The following TTLL5 variants were observed in gnomAD, a reference collection of about 807,000 sequenced individuals.
The protein encoded by TTLL5 is tubulin tyrosine ligase like 5.
TTLL5 carries 132 observed loss-of-function variants against 168.4 expected under a neutral mutation model. The observed-to-expected ratio is 0.78, with a 90% CI of 0.68 to 0.91. The LOEUF (loss-of-function observed/expected upper bound fraction) is 0.91, where lower values mean the gene tolerates loss of function less well. Ranked by LOEUF, TTLL5 falls within the 40% of genes least tolerant of loss-of-function variation. The pLI is 0.00. For synonymous variants in TTLL5, 546 were observed against 558.6 expected, an observed-to-expected ratio of 0.98 and a Z score of 0.32; for missense variants, 1,545 against 1,581.5, an observed-to-expected ratio of 0.98 and a Z score of 0.39.
At chr14:75,665,132 A>G (rs775876577) in intron 2 of TTLL5, among the ~76,000 whole-genome samples, 4 of 152,254 alleles carry the variant, frequency 2.6e-5, no homozygotes, top group Non-Finnish European at 5.9e-5. Context: ...AAGGCTTAAA[A>G]TAAAATACAT....
intron 31 of TTLL5, among the ~76,000 whole-genome samples, chr14:75,923,422 T>C (rs995008269): frequency 6.6e-6 from 1 of 152,210 alleles, no homozygotes; most frequent in African/African-American, 2.4e-5. Context: ...TTTGTTCTCG[T>C]TGGTTTCAAA....
intron 9 of TTLL5, among the ~76,000 whole-genome samples, chr14:75,712,997 C>A (rs1489942894): frequency 6.6e-6 from 1 of 152,108 alleles, no homozygotes; most frequent in Non-Finnish European, 1.5e-5. Flanking sequence ...AGTAGGAACT[C>A]TCCCACCTTT....
At chr14:75,933,247 A>G (rs577549284) in intron 31 of TTLL5, among the ~76,000 whole-genome samples, 118 of 152,306 alleles carry the variant, frequency 7.7e-4, no homozygotes, top group Non-Finnish European at 1.3e-3. Flanking sequence ...ATTTGAGCCC[A>G]GGAGTTCCAG....
chr14:75,756,094 T>C (rs1217988078), intron 18 of TTLL5, among the ~76,000 whole-genome samples: 2 of 150,754 alleles, frequency 1.3e-5, no homozygotes, highest in Non-Finnish European at 2.9e-5. Context: ...ATTATCTGGG[T>C]GAAAAACTTA....
intron 17 of TTLL5, among the ~76,000 whole-genome samples, chr14:75,748,491 G>C (rs977359972): frequency 6.6e-6 from 1 of 152,026 alleles, no homozygotes; most frequent in Non-Finnish European, 1.5e-5. Context: ...GACAGCTGTG[G>C]TGCAGATATT....
intron 27 of TTLL5, among the ~76,000 whole-genome samples, chr14:75,812,222 A>T (rs1894087576): frequency 6.6e-6 from 1 of 152,184 alleles, no homozygotes; most frequent in Non-Finnish European, 1.5e-5. Context: ...GCAGAGGAAG[A>T]GGAAAAGCAG....
In TTLL5 at chr14:75,719,901, T is replaced by G. The variant is rs1221613361; in HGVS notation, c.934+75T>G. ...TATCATTGTCTCTTGCCAGGAATCA[T>G]TCTCTGTTGCTTTGATAGTGTTGCT... On this transcript the variant is annotated intron_variant, in intron 11 of 31. Coordinates refer to ENST00000298832, the MANE Select transcript of TTLL5 (RefSeq NM_015072.5). The G allele has an allele frequency of 4.8e-6, 7 of 1,462,440 alleles. No homozygotes were observed. The African/African-American group carries it at 7.0e-5, about 15-fold the overall frequency. 90.6% of individuals were successfully genotyped at this position (1,462,440 alleles called of 1,614,324 possible).
At chr14:75,742,820 C>G (rs1235625415) in intron 15 of TTLL5, among the ~76,000 whole-genome samples, 1 of 152,120 alleles carries the variant, frequency 6.6e-6, no homozygotes, top group Non-Finnish European at 1.5e-5. Context: ...ATATTTTTGA[C>G]TTTTTCCAAA....
At chr14:75,799,531 GAT>G (rs1893171313) in intron 27 of TTLL5, among the ~76,000 whole-genome samples, 1 of 152,052 alleles carries the variant, frequency 6.6e-6, no homozygotes, top group Admixed American at 6.5e-5. Flanking sequence ...AATACCTGGT[GAT>G]TTTTGCATTG....
intron 3 of TTLL5, among the ~76,000 whole-genome samples, chr14:75,676,222 T>A (rs1456064703): frequency 6.6e-6 from 1 of 152,208 alleles, no homozygotes; most frequent in Non-Finnish European, 1.5e-5. Context: ...CACAGACACC[T>A]ATAAATGACA....
At chr14:75,754,578 A>G (rs1427441961) in intron 18 of TTLL5, among the ~76,000 whole-genome samples, 1 of 152,220 alleles carries the variant, frequency 6.6e-6, no homozygotes, top group Non-Finnish European at 1.5e-5. Flanking sequence ...GCATTAGCCA[A>G]AATGAGGAAG....
chr14:75,869,314 T>G (rs1375271321), intron 29 of TTLL5, among the ~76,000 whole-genome samples: 1 of 152,130 alleles, frequency 6.6e-6, no homozygotes, highest in Admixed American at 6.5e-5. Flanking sequence ...AATACTGCAT[T>G]CGGTTGTTTT....
chr14:75,699,712 C>T (rs1233358494), intron 7 of TTLL5, among the ~76,000 whole-genome samples: 4 of 152,144 alleles, frequency 2.6e-5, no homozygotes, highest in Non-Finnish European at 5.9e-5. Context: ...CTTCTCCTTT[C>T]TCCTCCTTCC....
intron 27 of TTLL5, chr14:75,818,500 T>C: frequency 2.5e-6 from 1 of 402,888 alleles, no homozygotes; most frequent in South Asian, 1.8e-5. Context: ...TTCTTTTTTT[T>C]TTTTTGAGAT....
intron 29 of TTLL5, among the ~76,000 whole-genome samples, chr14:75,877,655 T>C (rs1275542418): frequency 6.6e-6 from 1 of 152,242 alleles, no homozygotes; most frequent in Non-Finnish European, 1.5e-5. Context: ...ATGGTGCAGC[T>C]CCTATGCCTG....
intron 30 of TTLL5, among the ~76,000 whole-genome samples, chr14:75,890,968 C>T (rs1282388136): frequency 6.6e-6 from 1 of 152,208 alleles, no homozygotes; most frequent in Non-Finnish European, 1.5e-5. Context: ...ACCTGCCCAC[C>T]TCAGCCTCCC....
chr14:75,806,587 A>G (rs755349963), intron 27 of TTLL5, among the ~76,000 whole-genome samples: 5 of 152,162 alleles, frequency 3.3e-5, no homozygotes, highest in Non-Finnish European at 7.4e-5. Flanking sequence ...CCCAGTTGCC[A>G]TGTCTAATCT....
At chr14:75,936,369 C>G (rs1247283159) in intron 31 of TTLL5, among the ~76,000 whole-genome samples, 1 of 152,220 alleles carries the variant, frequency 6.6e-6, no homozygotes, top group Non-Finnish European at 1.5e-5. Flanking sequence ...AAGTTTTTCT[C>G]CTCTTTCTCT....
chr14:75,942,450 A>C (rs1595309588), intron 31 of TTLL5, among the ~76,000 whole-genome samples: 1 of 152,334 alleles, frequency 6.6e-6, no homozygotes, highest in East Asian at 1.9e-4. Context: ...GAAAATTTGT[A>C]AGATGCGATC....
Sources: allele counts gnomAD v4.1 joint callset (sites outside exome capture counted in the v4.1 genomes callset), GRCh38; gene constraint gnomAD v4.1.1; transcripts MANE v1.5; gene names NCBI Gene and HGNC (gene_info 2026-07-23, HGNC 2026-07-21).